YEATS2: variants seen among roughly 807,000 people sequenced by gnomAD.
The protein encoded by YEATS2 is YEATS domain-containing protein 2.
A neutral mutation model predicts 163.2 loss-of-function variants in YEATS2; 77 were observed. The observed-to-expected ratio is 0.47, with a 90% CI of 0.39 to 0.57. The LOEUF is 0.57. Among genes scored for constraint, YEATS2 ranks in the 20% least tolerant of loss-of-function variants. The pLI is 0.00. For missense variants in YEATS2, 1,549 were observed against 1,729.8 expected (o/e 0.90, Z 1.85); for synonymous variants, 631 against 645.1 (o/e 0.98, Z 0.33).
At chr3:183,742,314 G>A (rs830182) in intron 8 of YEATS2, among the ~76,000 whole-genome samples, 68,002 of 152,052 alleles carry the variant, frequency 0.45, 15,558 homozygotes, top group East Asian at 0.65. Flanking sequence ...TAAATTGAAA[G>A]CCTTCTGGAA....
intron 6 of YEATS2, among the ~76,000 whole-genome samples, chr3:183,727,952 T>G (rs1170101353): frequency 4.2e-5 from 2 of 48,006 alleles, no homozygotes; most frequent in East Asian, 1.6e-3. Context: ...CAAGTTTGCC[T>G]TTTTTTTTTT....
At chr3:183,775,570 G>T (rs1294095234) in intron 17 of YEATS2, among the ~76,000 whole-genome samples, 1 of 152,190 alleles carries the variant, frequency 6.6e-6, no homozygotes, top group Non-Finnish European at 1.5e-5. Context: ...ACTCCAGCCT[G>T]GCGACAGAGT....
At position 183,808,021 on chromosome 3, in the gene YEATS2, C is replaced by T; in HGVS notation, c.4012-9C>T. 1 of 1,557,174 alleles carries T rather than the reference C, an allele frequency of 6.4e-7. No individual in the cohort carries two copies. The highest frequency in any genetic ancestry group is 2.4e-5 in the East Asian group (1 of 41,548). ...GATACGAACAAACGGCTTTCTTCTG[C>T]TTTTCCAGATTGGGATCACCCTGCA... On this transcript the variant is annotated splice_polypyrimidine_tract_variant and intron_variant, in intron 28 of 30. Transcript: ENST00000305135.
At chr3:183,790,284 G>A (rs999158032) in intron 20 of YEATS2, among the ~76,000 whole-genome samples, 3 of 152,162 alleles carry the variant, frequency 2.0e-5, no homozygotes, top group Admixed American at 6.5e-5. Context: ...TGTGCTTGCC[G>A]TAGCATCATT....
chr3:183,732,168 CG>C (rs1717854813), intron 7 of YEATS2, among the ~76,000 whole-genome samples: 1 of 151,946 alleles, frequency 6.6e-6, no homozygotes. Context: ...TCCCCAGGGT[CG>C]GCTGGGCACC....
At chr3:183,809,057 C>T (rs1490835499) in intron 29 of YEATS2, 40 bp from the exon 30 acceptor site, 3 of 1,601,818 alleles carry the variant, frequency 1.9e-6, no homozygotes, top group Non-Finnish European at 1.7e-6. Context: ...TGCCAGCAAG[C>T]AGATGGCCAT....
At chr3:183,712,184 GTTCTT>G (rs796471980) in intron 1 of YEATS2, among the ~76,000 whole-genome samples, 4 of 121,376 alleles carry the variant, frequency 3.3e-5, no homozygotes, top group Non-Finnish European at 5.1e-5. Flanking sequence ...AGCATTTTAT[GTTCTT>G]TTATTTTATT....
chr3:183,723,521 A>AC (rs2109071013), intron 5 of YEATS2, among the ~76,000 whole-genome samples: 1 of 152,310 alleles, frequency 6.6e-6, no homozygotes, highest in South Asian at 2.1e-4. Context: ...TGAGGCTGCC[A>AC]CCCCCAAAAT....
At chr3:183,717,555 TTAC>T in intron 2 of YEATS2, 93 bp from the exon 3 acceptor site, 1 of 905,084 alleles carries the variant, frequency 1.1e-6, no homozygotes. Context: ...CACTTTAGAG[TTAC>T]TATTTCTTGG....
At chr3:183,698,578 GT>G (rs1481884907) in intron 1 of YEATS2, among the ~76,000 whole-genome samples, 1 of 152,132 alleles carries the variant, frequency 6.6e-6, no homozygotes, top group Non-Finnish European at 1.5e-5. Context: ...AGACAATGAG[GT>G]TTTCTCCATC....
intron 21 of YEATS2, among the ~76,000 whole-genome samples, chr3:183,795,934 C>T (rs1262441002): frequency 6.6e-6 from 1 of 150,662 alleles, no homozygotes; most frequent in Non-Finnish European, 1.5e-5. Flanking sequence ...TAGCTCAGAC[C>T]AGCTGCTTTC....
intron 28 of YEATS2, chr3:183,807,325 GTGAAAACA>G: frequency 1.9e-6 from 1 of 516,592 alleles, no homozygotes. Flanking sequence ...CTAATTACAT[GTGAAAACA>G]TTGCTTGTTG....
chr3:183,763,008 G>T (rs537996042), intron 15 of YEATS2, among the ~76,000 whole-genome samples: 1 of 151,672 alleles, frequency 6.6e-6, no homozygotes, highest in African/African-American at 2.4e-5. Context: ...CTGAGATCGC[G>T]GCACTGCACT....
In YEATS2 at chr3:183,808,069, G is replaced by A. The variant is rs775966843; in HGVS notation, c.4051G>A (p.Val1351Met). The A allele has an allele frequency of 8.3e-6, 13 of 1,561,350 alleles. No homozygotes were observed. Among genetic ancestry groups the A allele is most frequent in the South Asian group, 3.5e-5 (3 of 84,616 alleles). Residue 1351 changes from valine to methionine, a missense_variant, in exon 29 of 31, where the codon GTG becomes ATG. Physicochemically the swap from Val to Met is conservative, Grantham distance 21. Transcript: ENST00000305135. ...GCAGCCCGTGGCACTCCACAGGAAC[G>A]TGTATGCGTCCGTGGTGGAGGACAT... The part of the protein sequence containing the change: ...TLQPVALHRN[V>M]YASVVEDMIL...
At chr3:183,728,209 A>G (rs780441605) in intron 6 of YEATS2, among the ~76,000 whole-genome samples, 1 of 152,146 alleles carries the variant, frequency 6.6e-6, no homozygotes, top group Non-Finnish European at 1.5e-5. Context: ...CTGGGACTAC[A>G]GGTGTGGGCC....
chr3:183,809,230 T>G (rs1726544876), intron 30 of YEATS2, 60 bp downstream of exon 30: 4 of 1,558,712 alleles, frequency 2.6e-6, no homozygotes, highest in African/African-American at 2.7e-5. Flanking sequence ...ACAGTTGAAT[T>G]GCCCATGAAG....
chr3:183,768,965 T>TC (rs1722189722), intron 15 of YEATS2, among the ~76,000 whole-genome samples: 1 of 152,098 alleles, frequency 6.6e-6, no homozygotes, highest in African/African-American at 2.4e-5. Context: ...AGAGCAAAAC[T>TC]CCGTCTCAAA....
chr3:183,717,878 TA>T (rs1222973147), intron 3 of YEATS2, 130 bp downstream of exon 3: 13 of 419,918 alleles, frequency 3.1e-5, no homozygotes, highest in East Asian at 7.8e-5. Flanking sequence ...TTTTTTTTTT[TA>T]AATAGCTTTC....
At position 183,760,788 on chromosome 3, in the gene YEATS2, AAG is replaced by A. The variant is rs1372771913; in HGVS notation, c.1657-714_1657-713del. Among the ~76,000 whole-genome samples the A allele has an allele frequency of 3.3e-5, 5 of 152,226 alleles. 1 individual carries two copies. The South Asian group carries it at 8.3e-4, about 25-fold the overall frequency. Reference sequence around the variant, plus strand: ...GCAAATCAGTTGTGAGTACTATTAAAAGAGAGTATATACTGAAACATTGCAGC... The same window carrying A: ...GCAAATCAGTTGTGAGTACTATTAAAAGAGTATATACTGAAACATTGCAGC... On this transcript the variant is annotated intron_variant, in intron 13 of 30. Coordinates refer to ENST00000305135, the MANE Select transcript of YEATS2 (RefSeq NM_018023.5).
Sources: gnomAD v4.1 joint callset for allele counts (sites outside exome capture counted in the v4.1 genomes callset) on GRCh38, gnomAD v4.1.1 for gene constraint, MANE v1.5 for transcripts, NCBI Gene and HGNC (gene_info 2026-07-23, HGNC 2026-07-21) for gene names.